Variants in CEP350 observed in about 807,000 individuals in gnomAD.
The protein encoded by CEP350 is centrosomal protein 350.
A neutral mutation model predicts 331.8 loss-of-function variants in CEP350; 126 were observed. The ratio of observed to expected loss-of-function variants is 0.38; its 90% CI spans 0.33 to 0.44. The LOEUF (loss-of-function observed/expected upper bound fraction) is 0.44, where lower values mean the gene tolerates loss of function less well. Among genes scored for constraint, CEP350 ranks in the 20% least tolerant of loss-of-function variants. The pLI is 1.00. For missense variants in CEP350, 3,406 were observed against 3,634.6 expected, an observed-to-expected ratio of 0.94 and a Z score of 1.62; for synonymous variants, 1,200 against 1,259.5, an observed-to-expected ratio of 0.95 and a Z score of 1.00.
chr1:180,080,297 CA>C lies in CEP350; in HGVS notation c.5980-211del, dbSNP rs201191990. Among the ~76,000 whole-genome samples the C allele has an allele frequency of 1.5e-3, 230 of 149,624 alleles. 2 individuals are homozygous for C. Among genetic ancestry groups the C allele is most frequent in the Admixed American group, 5.6e-3 (84 of 15,012 alleles). ...CTTTTATAATTTTTTTCTATGCCTT[CA>C]AAAAAAAATGAGGTCTTATCCTTTA... is the stretch of plus-strand genomic sequence containing the variant. On this transcript the variant is annotated intron_variant, in intron 29 of 37. Transcript: ENST00000367607.
chr1:180,052,234 T>C (rs1446543180), intron 22 of CEP350: 1 of 454,018 alleles, frequency 2.2e-6, no homozygotes, highest in African/African-American at 2.0e-5. Flanking sequence ...AGACGGGGTC[T>C]TGCTCTGTCA....
chr1:180,082,502 A>G (rs145535678), intron 30 of CEP350, among the ~76,000 whole-genome samples: 14 of 152,200 alleles, frequency 9.2e-5, no homozygotes, highest in African/African-American at 3.4e-4. Context: ...TTTGGTAGAG[A>G]TGGGGTTTTG....
chr1:179,962,636 C>T (rs1650719929), intron 1 of CEP350, among the ~76,000 whole-genome samples: 1 of 151,988 alleles, frequency 6.6e-6, no homozygotes, highest in Admixed American at 6.5e-5. Flanking sequence ...TCTCAAACTC[C>T]TGACCTCATG....
chr1:179,985,876 A>G (rs991341256), intron 1 of CEP350, among the ~76,000 whole-genome samples: 11 of 152,162 alleles, frequency 7.2e-5, no homozygotes, highest in African/African-American at 2.4e-4. Flanking sequence ...CATATCATAT[A>G]TCTAGAAGTG....
chr1:179,985,763 GC>G (rs869075644), intron 1 of CEP350, among the ~76,000 whole-genome samples: 1 of 97,246 alleles, frequency 1.0e-5, no homozygotes, highest in Non-Finnish European at 2.6e-5. Context: ...AGGGGAAACT[GC>G]CCCCCTGATC....
intron 12 of CEP350, 107 bp downstream of exon 12, chr1:180,021,116 A>G (rs1655294124): frequency 1.1e-6 from 1 of 938,226 alleles, no homozygotes; most frequent in Non-Finnish European, 1.5e-6. Flanking sequence ...TGAGTGGATA[A>G]TGGAGACTTA....
chr1:180,071,667 C>T (rs1345652655), intron 27 of CEP350, among the ~76,000 whole-genome samples: 1 of 151,734 alleles, frequency 6.6e-6, no homozygotes, highest in Non-Finnish European at 1.5e-5. Context: ...CCTTTAACCC[C>T]AGCTACTTCA....
intron 37 of CEP350, among the ~76,000 whole-genome samples, chr1:180,108,652 G>T (rs1374093009): frequency 3.3e-5 from 5 of 152,180 alleles, no homozygotes; most frequent in African/African-American, 4.8e-5. Flanking sequence ...CTTATATTAG[G>T]CTGTTTATTA....
intron 7 of CEP350, among the ~76,000 whole-genome samples, chr1:180,003,790 G>A (rs1369961231): frequency 6.6e-6 from 1 of 152,188 alleles, no homozygotes; most frequent in Non-Finnish European, 1.5e-5. Context: ...CTACCGAATA[G>A]TATGAGCTTG....
At chr1:180,028,673 G>A (rs142665625) in intron 14 of CEP350, among the ~76,000 whole-genome samples, 182 of 152,028 alleles carry the variant, frequency 1.2e-3, no homozygotes, top group African/African-American at 4.3e-3. Context: ...GCGTGGTGGC[G>A]CACACCTGTA....
intron 1 of CEP350, among the ~76,000 whole-genome samples, chr1:179,958,918 A>G (rs921577362): frequency 6.6e-6 from 1 of 152,226 alleles, no homozygotes; most frequent in Non-Finnish European, 1.5e-5. Flanking sequence ...AAGGTCTATA[A>G]GGATAGACAT....
chr1:180,039,101 C>G (rs1656569914), intron 17 of CEP350, among the ~76,000 whole-genome samples: 3 of 134,192 alleles, frequency 2.2e-5, no homozygotes, highest in Non-Finnish European at 4.6e-5. Flanking sequence ...CCTGTAGTCC[C>G]AGCTACTTGC....
chr1:180,058,856 T>G (rs1017604180), intron 25 of CEP350, among the ~76,000 whole-genome samples: 1 of 152,180 alleles, frequency 6.6e-6, no homozygotes, highest in African/African-American at 2.4e-5. Flanking sequence ...TAAGAATTCT[T>G]TTGACTGATA....
intron 31 of CEP350, 32 bp downstream of exon 31, chr1:180,084,210 A>C (rs757919237): frequency 1.3e-6 from 2 of 1,537,660 alleles, no homozygotes; most frequent in East Asian, 4.7e-5. Context: ...GTTTAGTATC[A>C]AGGCTAATGT....
At chr1:180,051,231 A>G (rs1657476361) in intron 22 of CEP350, among the ~76,000 whole-genome samples, 1 of 152,248 alleles carries the variant, frequency 6.6e-6, no homozygotes, top group Non-Finnish European at 1.5e-5. Context: ...ATGTAGCAAC[A>G]TGAACGAATT....
At position 180,013,961 on chromosome 1, in the gene CEP350, A is replaced by G; in HGVS notation, c.1508A>G (p.Lys503Arg). ...SKSRSENNIK[K>R]LASSLPDNKQ... is the part of the protein sequence containing the mutation. ...TCTCGGTCTGAAAATAATATAAAGA[A>G]ACTAGCTTCATCTCTTCCAGATAAT... Residue 503 changes from lysine to arginine, a missense_variant, in exon 10 of 38, where the codon AAA becomes AGA. By Grantham distance (26) the Lys-to-Arg change is conservative. This residue lies in a region of CEP350 where 1,857 missense variants were observed against 1,909.2 expected (regional missense o/e 0.97). Transcript: ENST00000367607. The G allele has an allele frequency of 6.2e-7, 1 of 1,613,806 alleles. No individual in the cohort carries two copies. Among genetic ancestry groups the G allele is most frequent in the Middle Eastern group, 1.6e-4 (1 of 6,062 alleles).
intron 12 of CEP350, among the ~76,000 whole-genome samples, chr1:180,022,409 G>T (rs1263971526): frequency 1.1e-4 from 17 of 152,094 alleles, no homozygotes; most frequent in African/African-American, 3.9e-4. Context: ...AAGGTAGTAG[G>T]AGGTTTATTT....
At chr1:179,969,154 A>G in intron 1 of CEP350, 1 of 637,392 alleles carries the variant, frequency 1.6e-6, no homozygotes, top group Non-Finnish European at 2.9e-6. Flanking sequence ...TGGGTTTGAT[A>G]TGGTGGGTGC....
At chr1:180,072,428 G>A (rs777487189) in intron 27 of CEP350, among the ~76,000 whole-genome samples, 4 of 152,050 alleles carry the variant, frequency 2.6e-5, no homozygotes, top group Non-Finnish European at 5.9e-5. Context: ...TAAGAGGGTG[G>A]GTGATATTTG....
Sources: gnomAD v4.1 joint callset for allele counts (sites outside exome capture counted in the v4.1 genomes callset) on GRCh38, gnomAD v4.1.1 for gene constraint, gnomAD v4.1.1 regional missense constraint, MANE v1.5 for transcripts, NCBI Gene and HGNC (gene_info 2026-07-23, HGNC 2026-07-21) for gene names.